TMEM273: variants seen among roughly 807,000 people sequenced by gnomAD.
The protein encoded by TMEM273 is transmembrane protein 273.
A neutral mutation model predicts 17.9 loss-of-function variants in TMEM273; 19 were observed. The observed-to-expected ratio is 1.06, with a 90% CI of 0.74 to 1.55. The LOEUF (loss-of-function observed/expected upper bound fraction) is 1.55. TMEM273 is among the 40% of genes most tolerant of loss of function. The probability of loss-of-function intolerance (pLI) is 0.00; values close to 1 mark genes in which losing one functional copy is unlikely to be tolerated. For synonymous variants in TMEM273, 66 were observed against 62.0 expected (o/e 1.07, Z -0.31); for missense variants, 194 against 155.6 (o/e 1.25, Z -1.31).
intron 1 of TMEM273, among the ~76,000 whole-genome samples, chr10:49,168,891 T>C (rs1846374768): frequency 6.6e-6 from 1 of 152,176 alleles, no homozygotes; most frequent in Non-Finnish European, 1.5e-5. Flanking sequence ...TATTGGCCAC[T>C]TACTCTGAGA....
chr10:49,161,444 C>T, intron 6 of TMEM273, 155 bp downstream of exon 6: 1 of 848,866 alleles, frequency 1.2e-6, no homozygotes, highest in Non-Finnish European at 1.9e-6. Context: ...TTCCTGGTCT[C>T]ACAGCTGTCC....
intron 1 of TMEM273, among the ~76,000 whole-genome samples, chr10:49,176,636 G>A (rs1397567981): frequency 6.6e-6 from 1 of 152,164 alleles, no homozygotes. Context: ...GCATTGCTCT[G>A]GAGTCCTGAG....
chr10:49,179,992 C>T (rs1847243689), intron 1 of TMEM273, among the ~76,000 whole-genome samples: 1 of 152,186 alleles, frequency 6.6e-6, no homozygotes, highest in Non-Finnish European at 1.5e-5. Flanking sequence ...AAGGAGCCCC[C>T]ACTCCCCAAC....
At chr10:49,177,077 G>A (rs547978378) in intron 1 of TMEM273, among the ~76,000 whole-genome samples, 3 of 152,306 alleles carry the variant, frequency 2.0e-5, no homozygotes, top group Non-Finnish European at 2.9e-5. Context: ...TAGAGCAGAA[G>A]GAAGCCAGGC....
At chr10:49,172,303 A>G (rs1163484787) in intron 1 of TMEM273, among the ~76,000 whole-genome samples, 1 of 152,220 alleles carries the variant, frequency 6.6e-6, no homozygotes, top group East Asian at 1.9e-4. Context: ...AGGAGCTCAC[A>G]GAGTGACCAG....
chr10:49,175,379 G>A (rs948329321), intron 1 of TMEM273, among the ~76,000 whole-genome samples: 1 of 152,170 alleles, frequency 6.6e-6, no homozygotes, highest in African/African-American at 2.4e-5. Context: ...GCCACCCTGG[G>A]CAGGAACGAG....
At chr10:49,158,529 C>G (rs183555811) in intron 6 of TMEM273, among the ~76,000 whole-genome samples, 1 of 152,194 alleles carries the variant, frequency 6.6e-6, no homozygotes, top group Non-Finnish European at 1.5e-5. Flanking sequence ...GCAAGAATGT[C>G]CCCTGCAAAG....
intron 1 of TMEM273, among the ~76,000 whole-genome samples, chr10:49,172,664 T>G (rs1267902185): frequency 6.6e-6 from 1 of 152,228 alleles, no homozygotes; most frequent in Admixed American, 6.5e-5. Flanking sequence ...GCTCAGCCAG[T>G]GGCCTTGGAC....
chr10:49,180,729 C>T (rs896578540), intron 1 of TMEM273, among the ~76,000 whole-genome samples: 14 of 152,168 alleles, frequency 9.2e-5, no homozygotes, highest in African/African-American at 3.1e-4. Context: ...GTCAAAGTAG[C>T]CATAAAACTG....
intron 6 of TMEM273, chr10:49,156,311 C>A: frequency 7.7e-7 from 1 of 1,295,528 alleles, no homozygotes; most frequent in African/African-American, 1.5e-5. Context: ...GAAAATAATG[C>A]CTTCACATCT....
intron 1 of TMEM273, among the ~76,000 whole-genome samples, chr10:49,168,886 G>T (rs1846374123): frequency 6.6e-6 from 1 of 152,148 alleles, no homozygotes; most frequent in Non-Finnish European, 1.5e-5. Flanking sequence ...ACATTTATTG[G>T]CCACTTACTC....
At position 49,155,533 on chromosome 10, in the gene TMEM273, C is replaced by T; in HGVS notation, c.*359G>A. ...GGAAGCTGTGTGTTGGGTCGGATTC[C>T]CCTTTTCATGAGCCATTTTCTGTGG... On this transcript the variant is annotated 3_prime_UTR_variant, in exon 7 of 7. Transcript: ENST00000374153. 3.0e-6 allele frequency: 1 copy of T among 331,950 alleles called. No individual in the cohort carries two copies. The highest frequency in any genetic ancestry group is 5.6e-6 in the Non-Finnish European group (1 of 179,938). The allele number at this position is 331,950 out of a possible 1,614,324, so 20.6% of individuals were successfully genotyped here.
At chr10:49,156,187 G>T (rs559844625) in intron 6 of TMEM273, 2 of 1,481,374 alleles carry the variant, frequency 1.4e-6, no homozygotes, top group Admixed American at 2.0e-5. Flanking sequence ...GTCATTCCTC[G>T]AGGTTAATAG....
chr10:49,161,695 A>G (rs991231026), intron 5 of TMEM273, 73 bp from the exon 6 acceptor site: 4 of 1,591,522 alleles, frequency 2.5e-6, no homozygotes, highest in Non-Finnish European at 2.6e-6. Flanking sequence ...AACTTGCTGC[A>G]AGAGAGTGGC....
intron 6 of TMEM273, among the ~76,000 whole-genome samples, chr10:49,158,118 A>C (rs1203706709): frequency 6.6e-6 from 1 of 152,230 alleles, no homozygotes; most frequent in Non-Finnish European, 1.5e-5. Context: ...ACAATCTTAT[A>C]AGAGTAAAAT....
In TMEM273 at chr10:49,166,990, G is replaced by C; in HGVS notation, c.117C>G (p.Ile39Met). The change falls in exon 3 of 7, where the codon ATC (isoleucine) becomes ATG (methionine). Residue 39 changes from isoleucine (I) to methionine (M), a missense_variant. Transcript: ENST00000374153. ...GAEIDFKYALIGTAVGVAISA... is the reference protein window; with the variant it reads ...GAEIDFKYALMGTAVGVAISA... ...ATATGGCGACACCCACAGCAGTCCC[G>C]ATGAGGGCGTACTTGAAATCTGAAA... The C allele has an allele frequency of 6.2e-7, 1 of 1,614,162 alleles. No homozygotes were observed. Among genetic ancestry groups the C allele is most frequent in the Non-Finnish European group, 8.5e-7 (1 of 1,180,030 alleles).
chr10:49,159,166 G>A (rs949491535), intron 6 of TMEM273, among the ~76,000 whole-genome samples: 3 of 151,988 alleles, frequency 2.0e-5, no homozygotes, highest in Non-Finnish European at 2.9e-5. Context: ...GAGATAAACT[G>A]TGTAAAGAAA....
intron 5 of TMEM273, among the ~76,000 whole-genome samples, chr10:49,162,649 A>G: frequency 6.6e-6 from 1 of 152,176 alleles, no homozygotes; most frequent in East Asian, 1.9e-4. Flanking sequence ...TCCTGACCAC[A>G]GGGGCTGAGC....
At chr10:49,187,200 G>T (rs1283592033) in intron 1 of TMEM273, among the ~76,000 whole-genome samples, 1 of 152,102 alleles carries the variant, frequency 6.6e-6, no homozygotes, top group Non-Finnish European at 1.5e-5. Context: ...ACCCTTAATC[G>T]CTGCTTGCTG....
Sources: gnomAD v4.1 joint callset for allele counts (sites outside exome capture counted in the v4.1 genomes callset) on GRCh38, gnomAD v4.1.1 for gene constraint, MANE v1.5 for transcripts, NCBI Gene and HGNC (gene_info 2026-07-23, HGNC 2026-07-21) for gene names.